The following PLAC8 variants were observed in gnomAD, a reference collection of about 807,000 sequenced individuals.
PLAC8 encodes placenta-specific gene 8 protein.
A neutral mutation model predicts 12.6 loss-of-function variants in PLAC8; 6 were observed. That is an observed-to-expected ratio of 0.48 (90% CI 0.26 to 0.94). The LOEUF (loss-of-function observed/expected upper bound fraction) is 0.94. PLAC8 is among the 40% of genes least tolerant of loss of function. PLAC8 has a pLI of 0.14. For synonymous variants in PLAC8, 54 were observed against 52.6 expected (o/e 1.03, Z -0.11); for missense variants, 122 against 152.7 (o/e 0.80, Z 1.06).
chr4:83,113,979 T>C (rs1202004205), intron 1 of PLAC8, among the ~76,000 whole-genome samples: 2 of 150,580 alleles, frequency 1.3e-5, no homozygotes. Context: ...TTAATTATAG[T>C]AATATTAATA....
Position 83,094,693 on chromosome 4 carries a change from A to T in PLAC8, c.342T>A (p.Thr114=). Residue 114 remains threonine (T), a synonymous_variant, in exon 4 of 5, where the codon ACT becomes ACA. Coordinates refer to ENST00000311507, the MANE Select transcript of PLAC8 (RefSeq NM_016619.3). ...RDINRRRAMR[T]F ...ATTGACTCACCATCAGTTTTTAGAA[A>T]GTACGCATGGCTCTCCTTCTGTTGA... The T allele has an allele frequency of 6.3e-7, 1 of 1,593,908 alleles. No individual in the cohort carries two copies. Among genetic ancestry groups the T allele is most frequent in the Non-Finnish European group, 8.6e-7 (1 of 1,168,948 alleles).
chr4:83,112,721 G>T lies in PLAC8; in HGVS notation c.-30+1945C>A, dbSNP rs539695888. Among the ~76,000 whole-genome samples the T allele has an allele frequency of 1.0e-3, 157 of 152,262 alleles. 1 individual carries two copies. The highest frequency in any genetic ancestry group is 3.7e-3 in the African/African-American group (152 of 41,530). On this transcript the variant is annotated intron_variant, in intron 1 of 4. Transcript: ENST00000311507. ...AAAGCAAACACACTCATTTGTACGC[G>T]CCTCTGTGATCATTTAAAAATTCAA... is the stretch of plus-strand genomic sequence containing the variant.
intron 3 of PLAC8, among the ~76,000 whole-genome samples, chr4:83,103,928 G>A (rs1276174215): frequency 3.3e-5 from 5 of 151,950 alleles, no homozygotes; most frequent in East Asian, 1.9e-4. Flanking sequence ...TGGGCCTCCC[G>A]AAGTGCTGGG....
intron 1 of PLAC8, among the ~76,000 whole-genome samples, chr4:83,111,478 A>T (rs1423710146): frequency 6.6e-6 from 1 of 151,828 alleles, no homozygotes; most frequent in Non-Finnish European, 1.5e-5. Flanking sequence ...TTATCTCCAA[A>T]AAAAAAATAA....
At chr4:83,112,006 C>T (rs1732433017) in intron 1 of PLAC8, among the ~76,000 whole-genome samples, 1 of 151,884 alleles carries the variant, frequency 6.6e-6, no homozygotes, top group Non-Finnish European at 1.5e-5. Context: ...GAAACCCTGT[C>T]TCTACTAAAA....
At chr4:83,110,014 C>CTCGGCGTGAACCGGGCAGCGG (rs1297933787) in intron 1 of PLAC8, among the ~76,000 whole-genome samples, 3 of 152,072 alleles carry the variant, frequency 2.0e-5, no homozygotes, top group Non-Finnish European at 4.4e-5. Context: ...CCGCTGGGGA[C>CTCGGCGTGAACCGGGCAGCGG]TCGGCGTGAA....
chr4:83,112,188 T>A (rs1167652971), intron 1 of PLAC8, among the ~76,000 whole-genome samples: 9 of 96,500 alleles, frequency 9.3e-5, no homozygotes, highest in African/African-American at 2.0e-4. Context: ...AAAAAAAAAT[T>A]TATATATATA....
At chr4:83,096,048 A>C (rs2126140059) in intron 3 of PLAC8, among the ~76,000 whole-genome samples, 1 of 152,270 alleles carries the variant, frequency 6.6e-6, no homozygotes, top group South Asian at 2.1e-4. Context: ...TCTAAACTAT[A>C]ATTTTAATCT....
chr4:83,107,789 T>TC lies in PLAC8; in HGVS notation c.118+14dup, dbSNP rs761053038. 2.1e-5 allele frequency: 32 copies of TC among 1,531,072 alleles called. No individual in the cohort carries two copies. The highest frequency in any genetic ancestry group is 2.8e-5 in the Non-Finnish European group (31 of 1,111,306). 94.8% of individuals were successfully genotyped at this position (1,531,072 alleles called of 1,614,324 possible). ...CTCGGTATCAAATAAGGGGGTTCTT[T>TC]CCCCACACACTTACAGACTCCGCAG... On this transcript the variant is annotated intron_variant, in intron 2 of 4. Coordinates refer to ENST00000311507, the MANE Select transcript of PLAC8 (RefSeq NM_016619.3).
chr4:83,104,444 TG>T (rs1249809685), intron 3 of PLAC8, among the ~76,000 whole-genome samples: 4 of 152,180 alleles, frequency 2.6e-5, no homozygotes, highest in Non-Finnish European at 5.9e-5. Flanking sequence ...GTGGAGTTGG[TG>T]TAATGGAAAG....
chr4:83,093,674 T>A lies in PLAC8; in HGVS notation c.*9+1004A>T, dbSNP rs994953236. 8 of 152,342 alleles carry A rather than the reference T, an allele frequency of 5.3e-5. No homozygotes were observed. In the South Asian group the frequency reaches 1.7e-3, roughly 32 times the overall value. The allele number at this position is 152,342 out of a possible 1,614,324, so 9.4% of individuals were successfully genotyped here. On this transcript the variant is annotated intron_variant, in intron 4 of 4. Transcript: ENST00000311507. ...CCTCCTCTGAACATAAAATACCGCT[T>A]TGTCTATAGGCATTAATTGAATTCT...
At chr4:83,108,608 A>C (rs976074124) in intron 1 of PLAC8, among the ~76,000 whole-genome samples, 8 of 152,078 alleles carry the variant, frequency 5.3e-5, no homozygotes, top group African/African-American at 1.9e-4. Flanking sequence ...AAACCCCCCA[A>C]AACAAAAACC....
At chr4:83,093,770 A>T (rs1441772393) in intron 4 of PLAC8, 1 of 152,122 alleles carries the variant, frequency 6.6e-6, no homozygotes, top group Non-Finnish European at 1.5e-5. Flanking sequence ...GGACTAGCTT[A>T]TTTATCTTGC....
chr4:83,113,225 G>T (rs1732463774), intron 1 of PLAC8, among the ~76,000 whole-genome samples: 1 of 152,218 alleles, frequency 6.6e-6, no homozygotes, highest in African/African-American at 2.4e-5. Flanking sequence ...CACAGACACG[G>T]CTTGGTGAGC....
intron 1 of PLAC8, among the ~76,000 whole-genome samples, chr4:83,110,085 A>C (rs4693564): frequency 0.79 from 120,410 of 151,944 alleles, 48,616 homozygotes; most frequent in East Asian, 1. Flanking sequence ...GGAGCCGCAA[A>C]GCTGGGCAGG....
At chr4:83,092,184 T>C (rs1731821324) in intron 4 of PLAC8, among the ~76,000 whole-genome samples, 1 of 152,118 alleles carries the variant, frequency 6.6e-6, no homozygotes, top group Non-Finnish European at 1.5e-5. Context: ...CAGTGAGATA[T>C]TTTCCCTGAG....
At chr4:83,104,764 C>T in intron 3 of PLAC8, 132 bp downstream of exon 3, 1 of 973,896 alleles carries the variant, frequency 1.0e-6, no homozygotes, top group Non-Finnish European at 1.6e-6. Context: ...CAACTGAATG[C>T]AAGATTGCAC....
chr4:83,100,138 A>G (rs563592243), intron 3 of PLAC8, among the ~76,000 whole-genome samples: 19 of 150,272 alleles, frequency 1.3e-4, no homozygotes, highest in Admixed American at 2.0e-4. Context: ...AAAAATAGCC[A>G]GGCGTGGTGG....
chr4:83,100,944 A>G (rs1732083197), intron 3 of PLAC8, among the ~76,000 whole-genome samples: 1 of 152,210 alleles, frequency 6.6e-6, no homozygotes, highest in Non-Finnish European at 1.5e-5. Context: ...TAGGAAAGCA[A>G]AACAACCTTA....
Sources: gnomAD v4.1 joint callset for allele counts (sites outside exome capture counted in the v4.1 genomes callset) on GRCh38, gnomAD v4.1.1 for gene constraint, MANE v1.5 for transcripts, NCBI Gene and HGNC (gene_info 2026-07-23, HGNC 2026-07-21) for gene names.